EPHA6: variants seen among roughly 807,000 people sequenced by gnomAD.
EPHA6 encodes the protein ephrin type-A receptor 6.
EPHA6 carries 50 observed loss-of-function variants against 112.0 expected under a neutral mutation model. The ratio of observed to expected loss-of-function variants is 0.45; its 90% CI spans 0.36 to 0.56. The LOEUF (loss-of-function observed/expected upper bound fraction) is 0.56. EPHA6 is among the 20% of genes least tolerant of loss of function. The pLI is 0.00. For synonymous variants in EPHA6, 529 were observed against 490.7 expected (o/e 1.08, Z -1.03); for missense variants, 1,280 against 1,417.4 (o/e 0.90, Z 1.56).
intron 5 of EPHA6, among the ~76,000 whole-genome samples, chr3:97,341,687 A>G (rs567842421): frequency 1.8e-4 from 27 of 152,282 alleles, no homozygotes; most frequent in African/African-American, 5.3e-4. Flanking sequence ...ATTAGATCAT[A>G]TATATAAAAT....
intron 2 of EPHA6, among the ~76,000 whole-genome samples, chr3:96,969,193 C>T (rs915477935): frequency 5.3e-5 from 8 of 151,756 alleles, no homozygotes; most frequent in Admixed American, 3.3e-4. Context: ...TGAGAATTTT[C>T]CCATTATATA....
At chr3:97,103,795 A>AT (rs1022327254) in intron 3 of EPHA6, among the ~76,000 whole-genome samples, 11 of 151,902 alleles carry the variant, frequency 7.2e-5, no homozygotes, top group Non-Finnish European at 1.6e-4. Context: ...AACGTTTTCC[A>AT]TTTTTTTGTT....
intron 1 of EPHA6, among the ~76,000 whole-genome samples, chr3:96,821,765 AT>A (rs1220763104): frequency 2.0e-5 from 3 of 151,860 alleles, no homozygotes; most frequent in Non-Finnish European, 4.4e-5. Context: ...TTATTTAAAA[AT>A]ATCTATTATT....
chr3:97,041,110 T>C (rs150317799), intron 3 of EPHA6, among the ~76,000 whole-genome samples: 1 of 152,156 alleles, frequency 6.6e-6, no homozygotes, highest in Non-Finnish European at 1.5e-5. Flanking sequence ...TTTTCTTTTG[T>C]TTTCTTTCCT....
Position 97,750,591 on chromosome 3 carries a change from A to G in EPHA6, c.*1890A>G, listed in dbSNP as rs6790373. Among the ~76,000 whole-genome samples, 41,163 of 151,838 alleles carry G rather than the reference A, an allele frequency of 0.27. 5,559 individuals are homozygous for G. The highest frequency in any genetic ancestry group is 0.33 in the East Asian group (1,678 of 5,148). On this transcript the variant is annotated 3_prime_UTR_variant, in exon 18 of 18. Coordinates refer to ENST00000389672, the MANE Select transcript of EPHA6 (RefSeq NM_001080448.3). ...AGGCTGCTCGAACTCCTGACCTCAG[A>G]TGATCTGCCCGCCTCAGCCTCTCAA...
intron 14 of EPHA6, among the ~76,000 whole-genome samples, chr3:97,658,346 A>G (rs544345869): frequency 6.6e-6 from 1 of 151,862 alleles, no homozygotes; most frequent in East Asian, 1.9e-4. Context: ...AGACCAATGT[A>G]AAAATGTATG....
intron 3 of EPHA6, among the ~76,000 whole-genome samples, chr3:97,079,386 G>C (rs1173241063): frequency 1.3e-5 from 2 of 152,008 alleles, no homozygotes; most frequent in Non-Finnish European, 2.9e-5. Flanking sequence ...CTTAAAAGTG[G>C]GAACTAAATG....
At chr3:97,029,038 C>A (rs1411283836) in intron 3 of EPHA6, among the ~76,000 whole-genome samples, 4 of 151,404 alleles carry the variant, frequency 2.6e-5, no homozygotes, top group Non-Finnish European at 5.9e-5. Context: ...AAAGTTAGAA[C>A]ATCGACTTAA....
At chr3:96,853,768 A>G (rs532627614) in intron 1 of EPHA6, among the ~76,000 whole-genome samples, 1 of 151,756 alleles carries the variant, frequency 6.6e-6, no homozygotes, top group Non-Finnish European at 1.5e-5. Flanking sequence ...TCAGGATTTC[A>G]AGTTTATTAT....
At chr3:97,622,049 T>C (rs2093818235) in intron 13 of EPHA6, among the ~76,000 whole-genome samples, 1 of 151,876 alleles carries the variant, frequency 6.6e-6, no homozygotes, top group African/African-American at 2.4e-5. Context: ...AATTTTTTTA[T>C]TTTGATAAAA....
In EPHA6 at chr3:97,000,387, A is replaced by G. The variant is rs573146959; in HGVS notation, c.1114+12394A>G. On this transcript the variant is annotated intron_variant, in intron 3 of 17. Transcript: ENST00000389672. ...ATATATTTTATATATATATATGTAT[A>G]TGTTGGAGTTAAAATATTGTTTAAA... Among the ~76,000 whole-genome samples, 10 of 151,432 alleles carry G rather than the reference A, an allele frequency of 6.6e-5. No individual in the cohort carries two copies. In the South Asian group the frequency reaches 2.1e-3, roughly 31 times the overall value.
intron 3 of EPHA6, among the ~76,000 whole-genome samples, chr3:97,095,611 A>G (rs987198877): frequency 6.6e-6 from 1 of 152,042 alleles, no homozygotes; most frequent in African/African-American, 2.4e-5. Flanking sequence ...CTTAAAAATA[A>G]TGACCACATT....
intron 3 of EPHA6, among the ~76,000 whole-genome samples, chr3:97,032,221 C>G (rs1036519981): frequency 1.3e-5 from 2 of 152,100 alleles, no homozygotes; most frequent in Admixed American, 1.3e-4. Context: ...ACCGCGTGTT[C>G]TCACTCATAG....
chr3:97,357,884 T>C (rs1577079583), intron 5 of EPHA6, among the ~76,000 whole-genome samples: 1 of 152,230 alleles, frequency 6.6e-6, no homozygotes, highest in East Asian at 1.9e-4. Context: ...AAGTGGAACA[T>C]CATAAAGGTC....
At chr3:96,991,312 C>T (rs771509844) in intron 3 of EPHA6, among the ~76,000 whole-genome samples, 7 of 152,116 alleles carry the variant, frequency 4.6e-5, no homozygotes, top group South Asian at 4.1e-4. Context: ...TATTATTTTT[C>T]AGGGCTCAGC....
At position 97,750,267 on chromosome 3, in the gene EPHA6, C is replaced by CT. The variant is rs1417588744; in HGVS notation, c.*1567dup. On this transcript the variant is annotated 3_prime_UTR_variant, in exon 18 of 18. Coordinates refer to ENST00000389672, the MANE Select transcript of EPHA6 (RefSeq NM_001080448.3). Reference sequence around the variant, plus strand: ...CCTACCTACCCTAATTCTCAAATTCCTATCTAAATTCATTTTTTGTCATAG... The same window carrying CT: ...CCTACCTACCCTAATTCTCAAATTCCTTATCTAAATTCATTTTTTGTCATAG... Among the ~76,000 whole-genome samples the CT allele has an allele frequency of 6.6e-6, 1 of 151,110 alleles. No homozygotes were observed. The highest frequency in any genetic ancestry group is 1.5e-5 in the Non-Finnish European group (1 of 67,842).
intron 3 of EPHA6, among the ~76,000 whole-genome samples, chr3:97,134,368 A>G (rs1174648147): frequency 6.6e-6 from 1 of 152,068 alleles, no homozygotes; most frequent in Non-Finnish European, 1.5e-5. Context: ...AAAAGTACTG[A>G]TATCTATGAC....
At position 96,913,207 on chromosome 3, in the gene EPHA6, CACACACCA is replaced by C. The variant is rs1367132947; in HGVS notation, c.450+46319_450+46326del. Among the ~76,000 whole-genome samples the C allele has an allele frequency of 1.3e-4, 15 of 119,214 alleles. 1 individual carries two copies. The highest frequency in any genetic ancestry group is 4.9e-4 in the African/African-American group (15 of 30,384). The allele number at this position is 119,214 out of a possible 152,430, so 78.2% of individuals were successfully genotyped here. On this transcript the variant is annotated intron_variant, in intron 2 of 17. Coordinates refer to ENST00000389672, the MANE Select transcript of EPHA6 (RefSeq NM_001080448.3). ...ACACACACACACACACACACACACA[CACACACCA>C]CACACACGGGCATGGTGACACATAC...
At position 97,091,384 on chromosome 3, in the gene EPHA6, G is replaced by T. The variant is rs557125678; in HGVS notation, c.1114+103391G>T. 1.6e-3 allele frequency among the ~76,000 whole-genome samples: 243 copies of T among 152,174 alleles called. 1 individual carries two copies. Among genetic ancestry groups the T allele is most frequent in the Non-Finnish European group, 3.0e-3 (205 of 67,994 alleles). On this transcript the variant is annotated intron_variant, in intron 3 of 17. Transcript: ENST00000389672. The stretch of plus-strand genomic sequence containing the variant: ...AATATCTGGAGATCAATGTACACTG[G>T]ATCGGTGTTTTTAAGAAGATTACAT...
Sources: gnomAD v4.1 joint callset for allele counts (sites outside exome capture counted in the v4.1 genomes callset) on GRCh38, gnomAD v4.1.1 for gene constraint, MANE v1.5 for transcripts, NCBI Gene and HGNC (gene_info 2026-07-23, HGNC 2026-07-21) for gene names.